RANBP2: variants seen among roughly 807,000 people sequenced by gnomAD.
RANBP2 encodes E3 SUMO-protein ligase RanBP2.
In RANBP2, 57 loss-of-function variants were observed where a neutral mutation model predicts 303.6. The observed-to-expected ratio is 0.19, with a 90% CI of 0.15 to 0.23. The LOEUF (loss-of-function observed/expected upper bound fraction) is 0.23, where lower values mean the gene tolerates loss of function less well. Ranked by LOEUF, RANBP2 falls within the 10% of genes least tolerant of loss-of-function variation. The pLI is 1.00. For synonymous variants in RANBP2, 1,167 were observed against 1,301.5 expected, an observed-to-expected ratio of 0.90 and a Z score of 2.23; for missense variants, 3,138 against 3,780.8, an observed-to-expected ratio of 0.83 and a Z score of 4.46.
the RANBP2 span, among the ~76,000 whole-genome samples, chr2:109,315,046 T>C: frequency 6.6e-6 from 1 of 152,170 alleles, no homozygotes; most frequent in African/African-American, 2.4e-5. Flanking sequence ...AGCGACCACA[T>C]TGAAGAGCCC....
At chr2:109,493,949 C>T in the RANBP2 span, among the ~76,000 whole-genome samples, 2,170 of 152,268 alleles carry the variant, frequency 0.014, 49 homozygotes, top group African/African-American at 0.049. Flanking sequence ...AAGGAGTCTC[C>T]TCCGCATCAG....
the RANBP2 span, among the ~76,000 whole-genome samples, chr2:108,800,308 A>G: frequency 6.6e-6 from 1 of 152,192 alleles, no homozygotes. Context: ...TCTGTCATCC[A>G]GGCTGGAGTA....
chr2:109,726,294 C>G, the RANBP2 span, among the ~76,000 whole-genome samples: 1 of 151,828 alleles, frequency 6.6e-6, no homozygotes, highest in Admixed American at 6.6e-5. Context: ...CCGGTAGTCC[C>G]AGCTACTTGG....
the RANBP2 span, among the ~76,000 whole-genome samples, chr2:109,445,259 G>A: frequency 3.9e-5 from 6 of 152,338 alleles, no homozygotes; most frequent in Non-Finnish European, 8.8e-5. Flanking sequence ...GGGACAGAGA[G>A]AAGATTCAAA....
chr2:109,727,469 G>T, the RANBP2 span, among the ~76,000 whole-genome samples: 1 of 152,176 alleles, frequency 6.6e-6, no homozygotes, highest in Non-Finnish European at 1.5e-5. Flanking sequence ...CCGTATCCTG[G>T]AAGTCTGTGT....
At chr2:109,183,337 G>T in the RANBP2 span, among the ~76,000 whole-genome samples, 1 of 152,068 alleles carries the variant, frequency 6.6e-6, no homozygotes. Flanking sequence ...TAAGTGCTTT[G>T]CAAGGTGAGA....
At chr2:108,774,443 G>A (rs575195741) in intron 23 of RANBP2, among the ~76,000 whole-genome samples, 1 of 152,182 alleles carries the variant, frequency 6.6e-6, no homozygotes, top group East Asian at 1.9e-4. Context: ...CTGCTCTCCA[G>A]CCTGGACAAC....
At chr2:109,357,907 G>A in the RANBP2 span, among the ~76,000 whole-genome samples, 6 of 152,148 alleles carry the variant, frequency 3.9e-5, no homozygotes, top group Non-Finnish European at 7.3e-5. Flanking sequence ...CAATCAATGA[G>A]CCTATATTGA....
At chr2:109,197,217 A>C in the RANBP2 span, among the ~76,000 whole-genome samples, 1 of 152,278 alleles carries the variant, frequency 6.6e-6, no homozygotes, top group Admixed American at 6.5e-5. Flanking sequence ...AACTCACTGC[A>C]GAATCTCAGG....
chr2:108,947,355 C>G, the RANBP2 span, among the ~76,000 whole-genome samples: 1 of 152,058 alleles, frequency 6.6e-6, no homozygotes, highest in African/African-American at 2.4e-5. Flanking sequence ...TGCAAGCTGT[C>G]GGTGGATCTA....
chr2:108,954,050 A>C, the RANBP2 span, among the ~76,000 whole-genome samples: 1 of 152,216 alleles, frequency 6.6e-6, no homozygotes, highest in Admixed American at 6.5e-5. Flanking sequence ...CTCTCTGTAT[A>C]AGCCTATCCC....
At chr2:109,135,240 C>T in the RANBP2 span, among the ~76,000 whole-genome samples, 1 of 152,210 alleles carries the variant, frequency 6.6e-6, no homozygotes, top group Non-Finnish European at 1.5e-5. Context: ...GTGTTGCCTC[C>T]CAGGCTGGTG....
chr2:109,350,171 G>A, the RANBP2 span, among the ~76,000 whole-genome samples: 1 of 152,218 alleles, frequency 6.6e-6, no homozygotes, highest in Non-Finnish European at 1.5e-5. Flanking sequence ...CTCATTCTGC[G>A]GTTGGCATGT....
the RANBP2 span, among the ~76,000 whole-genome samples, chr2:109,651,791 T>C: frequency 6.6e-6 from 1 of 152,090 alleles, no homozygotes; most frequent in Non-Finnish European, 1.5e-5. Flanking sequence ...TGCATGACTG[T>C]TTCCCAACGG....
chr2:109,681,324 T>C, the RANBP2 span, among the ~76,000 whole-genome samples: 2 of 152,260 alleles, frequency 1.3e-5, no homozygotes, highest in African/African-American at 2.4e-5. Context: ...TGCTCAGCAA[T>C]GTGCTGCTTA....
chr2:109,431,194 A>T, the RANBP2 span, among the ~76,000 whole-genome samples: 1 of 152,166 alleles, frequency 6.6e-6, no homozygotes, highest in East Asian at 1.9e-4. Context: ...CTTCCCTCAT[A>T]TCCCCAGAGA....
chr2:108,820,578 C>G, the RANBP2 span, among the ~76,000 whole-genome samples: 1 of 151,674 alleles, frequency 6.6e-6, no homozygotes, highest in African/African-American at 2.4e-5. Context: ...CAAAGAGAAT[C>G]TTTTAAATTG....
At chr2:109,660,426 T>C in the RANBP2 span, among the ~76,000 whole-genome samples, 1 of 152,234 alleles carries the variant, frequency 6.6e-6, no homozygotes, top group Non-Finnish European at 1.5e-5. Flanking sequence ...GTACTTTCCT[T>C]TCAATAAATC....
chr2:108,937,996 G>A, the RANBP2 span, among the ~76,000 whole-genome samples: 4 of 152,190 alleles, frequency 2.6e-5, no homozygotes, highest in East Asian at 1.9e-4. Flanking sequence ...TCTTGCACAC[G>A]TAGAATAATA....
Sources: allele counts gnomAD v4.1 joint callset (sites outside exome capture counted in the v4.1 genomes callset), GRCh38; gene constraint gnomAD v4.1.1; transcripts MANE v1.5; gene names NCBI Gene and HGNC (gene_info 2026-07-23, HGNC 2026-07-21).